Variants in MOV10L1 observed in about 807,000 individuals in gnomAD.
MOV10L1 encodes RNA helicase Mov10l1.
MOV10L1 carries 110 observed loss-of-function variants against 143.8 expected under a neutral mutation model. That is an observed-to-expected ratio of 0.76 (90% CI 0.66 to 0.90). The LOEUF is 0.90. MOV10L1 is among the 40% of genes least tolerant of loss of function. The pLI is 0.00. For missense variants in MOV10L1, 1,406 were observed against 1,526.8 expected (o/e 0.92, Z 1.32); for synonymous variants, 593 against 581.1 (o/e 1.02, Z -0.29).
intron 10 of MOV10L1, 150 bp from the exon 11 acceptor site, chr22:50,125,242 C>T (rs2062464074): frequency 4.3e-6 from 3 of 697,202 alleles, no homozygotes; most frequent in Non-Finnish European, 7.1e-6. Context: ...GGGGAACTTA[C>T]TGAGGCACCT....
intron 13 of MOV10L1, among the ~76,000 whole-genome samples, chr22:50,130,260 G>A (rs952641474): frequency 9.9e-5 from 15 of 152,130 alleles, no homozygotes; most frequent in Admixed American, 2.6e-4. Flanking sequence ...GAGACAGAGC[G>A]AGACTCTGTC....
chr22:50,100,807 A>G (rs1184074014), intron 3 of MOV10L1, among the ~76,000 whole-genome samples: 2 of 152,206 alleles, frequency 1.3e-5, no homozygotes, highest in Admixed American at 6.5e-5. Flanking sequence ...TCCCGGCTTT[A>G]TATATCCATT....
intron 13 of MOV10L1, among the ~76,000 whole-genome samples, chr22:50,132,598 A>G (rs2062708263): frequency 6.6e-6 from 1 of 152,218 alleles, no homozygotes; most frequent in Non-Finnish European, 1.5e-5. Flanking sequence ...TAAATTTCTA[A>G]TTGCTTGTTT....
At chr22:50,114,208 C>T (rs940138960) in intron 6 of MOV10L1, among the ~76,000 whole-genome samples, 173 bp from the exon 7 acceptor site, 36 of 152,296 alleles carry the variant, frequency 2.4e-4, no homozygotes, top group Admixed American at 1.6e-3. Context: ...TGAGACACCA[C>T]GCCCGGCATG....
intron 5 of MOV10L1, among the ~76,000 whole-genome samples, chr22:50,112,370 G>T (rs1292631851): frequency 3.9e-5 from 6 of 152,182 alleles, no homozygotes; most frequent in Non-Finnish European, 8.8e-5. Flanking sequence ...GACTCCTCAG[G>T]CTTCCTGTCT....
intron 19 of MOV10L1, among the ~76,000 whole-genome samples, chr22:50,146,585 C>T (rs1420797034): frequency 1.3e-5 from 2 of 152,062 alleles, no homozygotes; most frequent in African/African-American, 2.4e-5. Context: ...AGGGAAGCCC[C>T]ACCCTCCCTG....
chr22:50,098,103 C>G (rs1163014781), intron 2 of MOV10L1, among the ~76,000 whole-genome samples: 1 of 151,530 alleles, frequency 6.6e-6, no homozygotes, highest in Non-Finnish European at 1.5e-5. Context: ...TCCCAAAGTG[C>G]TGGAATTACA....
At chr22:50,157,529 C>T (rs2063457204) in intron 22 of MOV10L1, among the ~76,000 whole-genome samples, 1 of 152,066 alleles carries the variant, frequency 6.6e-6, no homozygotes, top group Non-Finnish European at 1.5e-5. Flanking sequence ...GGTGAGGGTC[C>T]GTCTTCATCC....
At chr22:50,144,326 G>C (rs1388098696) in intron 18 of MOV10L1, 83 bp downstream of exon 18, 2 of 1,470,980 alleles carry the variant, frequency 1.4e-6, no homozygotes, top group Non-Finnish European at 1.8e-6. Context: ...GGGAGGGCAG[G>C]GGTAGGAGGG....
chr22:50,101,810 C>T (rs1454057196), intron 3 of MOV10L1, among the ~76,000 whole-genome samples: 1 of 152,108 alleles, frequency 6.6e-6, no homozygotes, highest in Non-Finnish European at 1.5e-5. Flanking sequence ...CTGTGCCCAG[C>T]CTTGACCTTG....
intron 10 of MOV10L1, 139 bp downstream of exon 10, chr22:50,120,755 A>G: frequency 3.0e-6 from 2 of 659,670 alleles, no homozygotes; most frequent in South Asian, 3.9e-5. Flanking sequence ...AACGAGGGTC[A>G]CTGCCTGGCC....
At chr22:50,126,167 T>A (rs1196298275) in intron 11 of MOV10L1, 35 bp from the exon 12 acceptor site, 1 of 1,457,784 alleles carries the variant, frequency 6.9e-7, no homozygotes, top group Admixed American at 1.7e-5. Context: ...TGATTTTGTG[T>A]TAGCTTTAAA....
intron 12 of MOV10L1, 86 bp downstream of exon 12, chr22:50,126,358 G>A: frequency 1.0e-6 from 1 of 981,702 alleles, no homozygotes; most frequent in Non-Finnish European, 1.6e-6. Flanking sequence ...CGGCTCTTGG[G>A]GAGATGCTCC....
Position 50,139,915 on chromosome 22 carries a change from G to A in MOV10L1, c.2071-2166G>A, listed in dbSNP as rs2062932804. 3.3e-5 allele frequency among the ~76,000 whole-genome samples: 5 copies of A among 152,194 alleles called. No individual in the cohort carries two copies. In the South Asian group the frequency reaches 1.0e-3, roughly 32 times the overall value. ...ACGTACCCTGCTGTGGGAATGGGGA[G>A]TGGCACACCACTGTGCAAAAGGTGT... On this transcript the variant is annotated intron_variant, in intron 15 of 26. Transcript: ENST00000262794.
chr22:50,098,307 T>C (rs2062649332), intron 2 of MOV10L1, among the ~76,000 whole-genome samples: 1 of 123,640 alleles, frequency 8.1e-6, no homozygotes. Flanking sequence ...ATCTTAATAA[T>C]TAAGTCTTAA....
intron 10 of MOV10L1, among the ~76,000 whole-genome samples, chr22:50,124,313 A>G (rs906146235): frequency 6.6e-6 from 1 of 151,996 alleles, no homozygotes; most frequent in Non-Finnish European, 1.5e-5. Context: ...TCATCTCCTA[A>G]GTATTTTTTA....
intron 12 of MOV10L1, 26 bp from the exon 13 acceptor site, chr22:50,128,390 A>C (rs959289199): frequency 1.7e-6 from 2 of 1,179,520 alleles, no homozygotes; most frequent in African/African-American, 3.1e-5. Context: ...TCAAGAAATC[A>C]GGTATATTGT....
intron 15 of MOV10L1, among the ~76,000 whole-genome samples, chr22:50,141,495 ATT>A (rs56881561): frequency 0.047 from 6,490 of 138,084 alleles, 255 homozygotes; most frequent in African/African-American, 0.1. Flanking sequence ...TGCCCGGCTA[ATT>A]TTTTTTTTTT....
At chr22:50,118,399 A>G (rs948325265) in intron 9 of MOV10L1, among the ~76,000 whole-genome samples, 1 of 152,236 alleles carries the variant, frequency 6.6e-6, no homozygotes, top group Admixed American at 6.5e-5. Flanking sequence ...GCAATCACTC[A>G]GTAAGCGAAT....
Sources: gnomAD v4.1 joint callset for allele counts (sites outside exome capture counted in the v4.1 genomes callset) on GRCh38, gnomAD v4.1.1 for gene constraint, MANE v1.5 for transcripts, NCBI Gene and HGNC (gene_info 2026-07-23, HGNC 2026-07-21) for gene names.